Variants in TSNARE1 observed in about 807,000 individuals in gnomAD.
The protein encoded by TSNARE1 is t-SNARE domain containing 1.
Under a neutral mutation model 62.0 loss-of-function variants are expected in TSNARE1, and 49 were observed. The ratio of observed to expected loss-of-function variants is 0.79; its 90% CI spans 0.63 to 1.00. The LOEUF is 1.00. TSNARE1 is among the 50% of genes least tolerant of loss of function. The pLI is 0.00. For synonymous variants in TSNARE1, 328 were observed against 294.4 expected, an observed-to-expected ratio of 1.11 and a Z score of -1.17; for missense variants, 755 against 700.1, an observed-to-expected ratio of 1.08 and a Z score of -0.88.
intron 1 of TSNARE1, among the ~76,000 whole-genome samples, chr8:142,371,308 GA>G (rs962904696): frequency 6.6e-5 from 10 of 151,882 alleles, no homozygotes; most frequent in Non-Finnish European, 8.8e-5. Context: ...CATGAAGGGG[GA>G]AAAAAAACCC....
At chr8:142,270,227 T>G in intron 12 of TSNARE1, 2 of 985,220 alleles carry the variant, frequency 2.0e-6, no homozygotes, top group Non-Finnish European at 2.4e-6. Flanking sequence ...CCAAGGGATC[T>G]CCCAAGAGTC....
chr8:142,294,118 G>C (rs1423933604), intron 10 of TSNARE1, among the ~76,000 whole-genome samples: 1 of 152,112 alleles, frequency 6.6e-6, no homozygotes, highest in African/African-American at 2.4e-5. Context: ...GTCTGCAGAG[G>C]GCTGGGACCC....
chr8:142,363,440 C>T lies in TSNARE1; in HGVS notation c.-39-8677G>A, dbSNP rs547725321. Among the ~76,000 whole-genome samples, 7 of 152,274 alleles carry T rather than the reference C, an allele frequency of 4.6e-5. No homozygotes were observed. The East Asian group carries it at 7.7e-4, about 17-fold the overall frequency. Reference sequence around the variant, plus strand: ...CCCGATTCAAGGTGCACAGGGGCCTCGTGCCCCTCCCCAGCCCCATGAGCC... The same window carrying T: ...CCCGATTCAAGGTGCACAGGGGCCTTGTGCCCCTCCCCAGCCCCATGAGCC... On this transcript the variant is annotated intron_variant, in intron 1 of 13. Coordinates refer to ENST00000524325, the MANE Select transcript of TSNARE1 (RefSeq NM_145003.5).
chr8:142,268,907 G>A (rs183639790), intron 12 of TSNARE1, among the ~76,000 whole-genome samples: 45 of 152,308 alleles, frequency 3.0e-4, no homozygotes, highest in Admixed American at 6.5e-4. Flanking sequence ...GTGACGTAGG[G>A]GCCATGACGC....
rs868208254 is a variant in TSNARE1, at chr8:142,229,404, G to A, written c.*11+69C>T. ...GATGGTGGATGGTTAGATGGATGGT[G>A]GATAGGTGAATGAATGGATGGTGGA... On this transcript the variant is annotated intron_variant, in intron 13 of 13. Coordinates refer to ENST00000524325, the MANE Select transcript of TSNARE1 (RefSeq NM_145003.5). The A allele has an allele frequency of 8.9e-6, 11 of 1,240,004 alleles. No homozygotes were observed. The Middle Eastern group carries it at 2.1e-3, about 232-fold the overall frequency. The allele number at this position is 1,240,004 out of a possible 1,614,324, so 76.8% of individuals were successfully genotyped here.
At position 142,273,170 on chromosome 8, in the gene TSNARE1, G is replaced by C. The variant is rs1286270964; in HGVS notation, c.1446+1611C>G. 4.1e-6 allele frequency: 4 copies of C among 985,254 alleles called. No homozygotes were observed. The East Asian group carries it at 4.5e-4, about 112-fold the overall frequency. 61.0% of individuals were successfully genotyped at this position (985,254 alleles called of 1,614,324 possible). ...ACAGGTGGCTGGCCCAGTTGCCACT[G>C]CCCTCCTTTCCTCCTCCTCCTTCAC... On this transcript the variant is annotated intron_variant, in intron 12 of 13. Transcript: ENST00000524325.
chr8:142,299,650 CGCAT>C (rs1825366816), intron 10 of TSNARE1, among the ~76,000 whole-genome samples: 3 of 152,122 alleles, frequency 2.0e-5, no homozygotes, highest in Admixed American at 6.5e-5. Context: ...CACGCACGCA[CGCAT>C]ACTTGCATGC....
At chr8:142,281,652 T>C (rs1255110899) in intron 11 of TSNARE1, among the ~76,000 whole-genome samples, 1 of 151,878 alleles carries the variant, frequency 6.6e-6, no homozygotes, top group Admixed American at 6.5e-5. Context: ...CTTTTAGACC[T>C]CATGGTGAGG....
intron 11 of TSNARE1, chr8:142,278,349 G>A (rs1341109716): frequency 3.0e-5 from 30 of 985,458 alleles, no homozygotes; most frequent in South Asian, 4.7e-5. Flanking sequence ...CACTGGGGGC[G>A]TTTGAGGCCA....
intron 12 of TSNARE1, among the ~76,000 whole-genome samples, chr8:142,242,147 C>T (rs112540124): frequency 7.3e-5 from 5 of 68,890 alleles, no homozygotes; most frequent in African/African-American, 3.1e-4. Flanking sequence ...TCTAAACCTA[C>T]GATCTCCATC....
intron 11 of TSNARE1, among the ~76,000 whole-genome samples, chr8:142,281,012 G>C (rs987324589): frequency 2.6e-5 from 4 of 152,202 alleles, no homozygotes; most frequent in Non-Finnish European, 5.9e-5. Flanking sequence ...TCTTCTCCTG[G>C]GGACACAGCA....
chr8:142,398,552 T>C, intron 1 of TSNARE1, among the ~76,000 whole-genome samples: 1 of 151,912 alleles, frequency 6.6e-6, no homozygotes, highest in East Asian at 1.9e-4. Flanking sequence ...TCAACCTTGC[T>C]CTGTAAGGTG....
rs1161180949 is a variant in TSNARE1, at chr8:142,212,279, C to T, written c.*46G>A. ...GAGGGGTGCTCGGGGCTGGAGAGCC[C>T]ACACCACAGCCAGCTGACGGTTCAG... On this transcript the variant is annotated 3_prime_UTR_variant, in exon 14 of 14. Transcript: ENST00000524325. 2 of 152,256 alleles carry T rather than the reference C, an allele frequency of 1.3e-5. No individual in the cohort carries two copies. The highest frequency in any genetic ancestry group is 4.8e-5 in the African/African-American group (2 of 41,452). 9.4% of individuals were successfully genotyped at this position (152,256 alleles called of 1,614,324 possible).
At chr8:142,274,553 G>A (rs950958668) in intron 12 of TSNARE1, 12 of 985,318 alleles carry the variant, frequency 1.2e-5, no homozygotes, top group African/African-American at 1.7e-5. Flanking sequence ...TACAAGAGAG[G>A]AGACGGTGCC....
At chr8:142,246,256 C>T (rs988141327) in intron 12 of TSNARE1, among the ~76,000 whole-genome samples, 8 of 152,110 alleles carry the variant, frequency 5.3e-5, no homozygotes, top group Non-Finnish European at 8.8e-5. Context: ...TGGGGGACCC[C>T]CAGGAGATGG....
intron 12 of TSNARE1, among the ~76,000 whole-genome samples, chr8:142,256,370 T>TCACCATCACCAC (rs1563782825): frequency 7.7e-3 from 4 of 520 alleles, no homozygotes; most frequent in African/African-American, 9.3e-3. Context: ...ACCACCATCA[T>TCACCATCACCAC]CACCACCATC....
chr8:142,358,448 T>TG (rs1834915771), intron 1 of TSNARE1, among the ~76,000 whole-genome samples: 1 of 152,132 alleles, frequency 6.6e-6, no homozygotes, highest in Non-Finnish European at 1.5e-5. Flanking sequence ...CTGGGGCCCC[T>TG]GGGGGGACTG....
intron 6 of TSNARE1, among the ~76,000 whole-genome samples, chr8:142,321,372 A>C (rs1041359684): frequency 6.6e-6 from 1 of 152,230 alleles, no homozygotes; most frequent in Non-Finnish European, 1.5e-5. Context: ...ACTGCTTTAA[A>C]TTCTTATATT....
chr8:142,229,101 G>GATAA (rs1816970144), intron 13 of TSNARE1, among the ~76,000 whole-genome samples: 1 of 151,360 alleles, frequency 6.6e-6, no homozygotes, highest in Non-Finnish European at 1.5e-5. Flanking sequence ...TGGATGGATG[G>GATAA]ATGGAAGGAT....
Sources: gnomAD v4.1 joint callset for allele counts (sites outside exome capture counted in the v4.1 genomes callset) on GRCh38, gnomAD v4.1.1 for gene constraint, MANE v1.5 for transcripts, NCBI Gene and HGNC (gene_info 2026-07-23, HGNC 2026-07-21) for gene names.